Variants in PRRC2B observed in about 807,000 individuals in gnomAD.
PRRC2B encodes proline rich coiled-coil 2B.
Under a neutral mutation model 242.3 loss-of-function variants are expected in PRRC2B, and 68 were observed. The observed-to-expected ratio is 0.28, with a 90% CI of 0.23 to 0.34. The LOEUF is 0.34. Among genes scored for constraint, PRRC2B ranks in the 10% least tolerant of loss-of-function variants. The pLI is 1.00. For synonymous variants in PRRC2B, 1,228 were observed against 1,173.6 expected (o/e 1.05, Z -0.95); for missense variants, 2,835 against 2,954.8 (o/e 0.96, Z 0.94).
chr9:131,420,493 C>CGTTCGTTCG (rs1554758635), intron 1 of PRRC2B, among the ~76,000 whole-genome samples: 2 of 30,164 alleles, frequency 6.6e-5, no homozygotes, highest in Admixed American at 4.5e-4. Context: ...TTCTTTCTTT[C>CGTTCGTTCG]TTTTTTTTTT....
rs1944363229 is a variant in PRRC2B at position 131,497,435 on chromosome 9, TCCA to T, written c.*1562_*1564del. ...GGGTCACTGAGCGTCTACCTCCTCC[TCCA>T]GAGGAGGCTGGCTCAGAACACCTAG... On this transcript the variant is annotated 3_prime_UTR_variant, in exon 32 of 32. Transcript: ENST00000683519. 6.6e-6 allele frequency: 1 copy of T among 152,168 alleles called. No homozygotes were observed. Among genetic ancestry groups the T allele is most frequent in the African/African-American group, 2.4e-5 (1 of 41,418 alleles). The allele number at this position is 152,168 out of a possible 1,614,324, so 9.4% of individuals were successfully genotyped here.
chr9:131,472,889 T>C (rs1466056817), intron 14 of PRRC2B, among the ~76,000 whole-genome samples: 3 of 152,232 alleles, frequency 2.0e-5, no homozygotes, highest in African/African-American at 7.2e-5. Flanking sequence ...CTTGGTCCTA[T>C]TGTTTTTCTT....
At chr9:131,423,845 C>A (rs888670767) in intron 1 of PRRC2B, among the ~76,000 whole-genome samples, 4 of 152,168 alleles carry the variant, frequency 2.6e-5, no homozygotes, top group Non-Finnish European at 5.9e-5. Flanking sequence ...TCGCCTGGTT[C>A]CTTGTTGGTA....
intron 1 of PRRC2B, among the ~76,000 whole-genome samples, chr9:131,409,761 C>G (rs952472388): frequency 1.3e-5 from 2 of 152,180 alleles, no homozygotes; most frequent in Non-Finnish European, 2.9e-5. Flanking sequence ...GTGAATTTAA[C>G]TAGTTCAATC....
chr9:131,420,329 A>G (rs538950521), intron 1 of PRRC2B, among the ~76,000 whole-genome samples: 1 of 151,948 alleles, frequency 6.6e-6, no homozygotes, highest in African/African-American at 2.4e-5. Context: ...GGATTGTGCT[A>G]TAGCTGAGCC....
chr9:131,414,219 A>G (rs568890528), intron 1 of PRRC2B, among the ~76,000 whole-genome samples: 4 of 151,682 alleles, frequency 2.6e-5, no homozygotes, highest in African/African-American at 7.3e-5. Flanking sequence ...ATAAGGGAAA[A>G]AAATGAAACT....
chr9:131,393,754 T>C (rs551730894), upstream of PRRC2B, among the ~76,000 whole-genome samples: 567 of 120,806 alleles, frequency 4.7e-3, 4 homozygotes, highest in African/African-American at 0.016. Context: ...GCCCATGCCC[T>C]TCCCAGGCCC....
Position 131,487,226 on chromosome 9 carries a change from G to C in PRRC2B, c.5916G>C (p.Gln1972His), listed in dbSNP as rs759337542. The C allele has an allele frequency of 1.9e-6, 3 of 1,613,710 alleles. No homozygotes were observed. The highest frequency in any genetic ancestry group is 2.5e-6 in the Non-Finnish European group (3 of 1,179,750). ...SLHTSLQAQA[Q>H]LGLRGGLPVS... is the part of the protein sequence containing the mutation. ...ACACATCTCTGCAGGCACAAGCTCA[G>C]CTTGGACTGAGGGGTGGGCTTCCTG... Residue 1972 changes from glutamine (Q) to histidine (H), a missense_variant, in exon 27 of 32, where the codon CAG (glutamine) becomes CAC (histidine). By Grantham distance (24) the Gln-to-His change is conservative. Around this residue, in one of 7 missense-constraint regions of PRRC2B, gnomAD observed 574 missense variants for 626.0 expected, o/e 0.92. Transcript: ENST00000683519. This position sits in a 1 kb window ranked among gnomAD's most constrained non-coding sequence, Gnocchi z 5.3.
chr9:131,392,917 CAAA>C (rs11317627), upstream of PRRC2B, among the ~76,000 whole-genome samples: 6 of 91,896 alleles, frequency 6.5e-5, no homozygotes, highest in Non-Finnish European at 6.9e-5. Flanking sequence ...GAGACTGTCT[CAAA>C]AAAAAAAAAA....
At position 131,408,516 on chromosome 9, in the gene PRRC2B, C is replaced by A. The variant is rs115492109; in HGVS notation, c.-52+14253C>A. Among the ~76,000 whole-genome samples the A allele has an allele frequency of 2.9e-3, 438 of 152,194 alleles. 1 individual carries two copies. Among genetic ancestry groups the A allele is most frequent in the Middle Eastern group, 0.014 (4 of 294 alleles). ...TTATCTTTTAATTTTTAAGTCTGAA[C>A]TAAACAGAACTTATGTATATTTTTA... On this transcript the variant is annotated intron_variant, in intron 1 of 31. Transcript: ENST00000683519.
intron 4 of PRRC2B, among the ~76,000 whole-genome samples, chr9:131,438,381 G>T (rs1272171099): frequency 1.3e-5 from 2 of 152,106 alleles, no homozygotes; most frequent in Non-Finnish European, 2.9e-5. Context: ...AGGGGGTGGT[G>T]AGCATTCAGT....
At chr9:131,468,968 C>T (rs545900636) in intron 13 of PRRC2B, among the ~76,000 whole-genome samples, 16 of 152,262 alleles carry the variant, frequency 1.1e-4, no homozygotes, top group African/African-American at 3.4e-4. Context: ...GAATTACTTG[C>T]GCCAAACCTA....
intron 8 of PRRC2B, 66 bp from the exon 9 acceptor site, chr9:131,447,596 G>C (rs567750477): frequency 1.4e-6 from 2 of 1,397,856 alleles, no homozygotes; most frequent in South Asian, 3.0e-5. Flanking sequence ...TTTATTTTTG[G>C]AAAGGTATTT....
chr9:131,475,327 C>T lies in PRRC2B; in HGVS notation c.3198C>T (p.Gly1066=). The part of the protein sequence containing the change: ...QAFGVRGQAR[G]RGRGFREFTF... The stretch of plus-strand genomic sequence containing the variant: ...TTGGGGTCAGAGGACAGGCCCGGGG[C>T]CGGGGCCGTGGTTTCAGAGAGTTCA... Residue 1066 remains glycine, a synonymous_variant, in exon 16 of 32, where the codon GGC becomes GGT. Transcript: ENST00000683519. 6.3e-7 allele frequency: 1 copy of T among 1,594,292 alleles called. No homozygotes were observed. The highest frequency in any genetic ancestry group is 8.5e-7 in the Non-Finnish European group (1 of 1,171,244).
In PRRC2B at chr9:131,487,315, G is replaced by A. The variant is rs563009857; in HGVS notation, c.5984+21G>A. 8 of 1,575,042 alleles carry A rather than the reference G, an allele frequency of 5.1e-6. No homozygotes were observed. The Admixed American group carries it at 1.4e-4, about 28-fold the overall frequency. ...TTCAGGTGAGCTCATGTACCAGCTT[G>A]CGGAGCTGGCAGCTCACAGCCAGGG... On this transcript the variant is annotated intron_variant, in intron 27 of 31. Coordinates refer to ENST00000683519, the MANE Select transcript of PRRC2B (RefSeq NM_013318.4). This position sits in a 1 kb window ranked among gnomAD's most constrained non-coding sequence, Gnocchi z 5.3.
At chr9:131,411,059 C>T (rs1007399226) in intron 1 of PRRC2B, among the ~76,000 whole-genome samples, 3 of 152,028 alleles carry the variant, frequency 2.0e-5, no homozygotes, top group African/African-American at 7.2e-5. Context: ...AGTTGGAGAC[C>T]AGCCTGGCCA....
chr9:131,473,193 G>A (rs1943591688), intron 14 of PRRC2B, among the ~76,000 whole-genome samples: 1 of 152,108 alleles, frequency 6.6e-6, no homozygotes, highest in African/African-American at 2.4e-5. Context: ...TGTCTCAGTT[G>A]TATCTCCCTG....
intron 25 of PRRC2B, chr9:131,485,526 C>T (rs1028509860): frequency 1.7e-5 from 8 of 482,664 alleles, no homozygotes; most frequent in African/African-American, 1.6e-4. Context: ...CCCGTGAGGC[C>T]AGGTCTTACC....
chr9:131,467,313 T>C (rs913811289), intron 12 of PRRC2B, among the ~76,000 whole-genome samples: 1 of 152,192 alleles, frequency 6.6e-6, no homozygotes, highest in Non-Finnish European at 1.5e-5. Flanking sequence ...ACCCTGGACG[T>C]CATCTAACCT....
Sources: gnomAD v4.1 joint callset for allele counts (sites outside exome capture counted in the v4.1 genomes callset) on GRCh38, gnomAD v4.1.1 for gene constraint, gnomAD v4.1.1 regional missense constraint, Gnocchi (gnomAD v3.1) non-coding constraint, MANE v1.5 for transcripts, NCBI Gene and HGNC (gene_info 2026-07-23, HGNC 2026-07-21) for gene names.